ADGRD1: variants seen among roughly 807,000 people sequenced by gnomAD.
ADGRD1 encodes adhesion G protein-coupled receptor D1.
Under a neutral mutation model 113.4 loss-of-function variants are expected in ADGRD1, and 77 were observed. That is an observed-to-expected ratio of 0.68 (90% CI 0.57 to 0.82). ADGRD1 has a LOEUF of 0.82. Ranked by LOEUF, ADGRD1 falls within the 40% of genes least tolerant of loss-of-function variation. The probability of loss-of-function intolerance (pLI) is 0.00; values close to 1 mark genes in which losing one functional copy is unlikely to be tolerated. For synonymous variants in ADGRD1, 474 were observed against 475.0 expected (o/e 1.00, Z 0.03); for missense variants, 1,036 against 1,139.1 (o/e 0.91, Z 1.30).
intron 15 of ADGRD1, among the ~76,000 whole-genome samples, chr12:131,095,855 G>C (rs1193372968): frequency 6.6e-6 from 1 of 152,196 alleles, no homozygotes; most frequent in Non-Finnish European, 1.5e-5. Flanking sequence ...GTTCTTTTTG[G>C]GACATACAGG....
rs142706980 is a variant in ADGRD1, at chr12:130,987,466, G to A, written c.745+117G>A. 3 of 1,112,904 alleles carry A rather than the reference G, an allele frequency of 2.7e-6. No individual in the cohort carries two copies. In the East Asian group the frequency reaches 7.5e-5, roughly 28 times the overall value. The allele number at this position is 1,112,904 out of a possible 1,614,324, so 68.9% of individuals were successfully genotyped here. ...GCTATCAGCACTGCAGGCGTGAGAT[G>A]TGTCCTAATGAACCTTATAAACACA... On this transcript the variant is annotated intron_variant, in intron 6 of 24. Coordinates refer to ENST00000261654, the MANE Select transcript of ADGRD1 (RefSeq NM_198827.5).
chr12:131,092,347 C>T (rs944243567), intron 15 of ADGRD1, among the ~76,000 whole-genome samples: 11 of 152,216 alleles, frequency 7.2e-5, no homozygotes, highest in Non-Finnish European at 1.3e-4. Flanking sequence ...GAAAATTCAG[C>T]TGCACCTACT....
chr12:131,020,361 G>A (rs145326741), intron 13 of ADGRD1, among the ~76,000 whole-genome samples: 3,387 of 150,866 alleles, frequency 0.022, 396 homozygotes, highest in Middle Eastern at 0.062. Flanking sequence ...AGGGCAGAGG[G>A]TGCTTCAGGG....
intron 20 of ADGRD1, among the ~76,000 whole-genome samples, chr12:131,126,508 A>G (rs143055812): frequency 1.5e-4 from 23 of 152,308 alleles, no homozygotes; most frequent in African/African-American, 4.8e-4. Flanking sequence ...GTGTGTATGT[A>G]CCTGTATAGC....
intron 13 of ADGRD1, among the ~76,000 whole-genome samples, chr12:131,029,882 T>G: frequency 7.5e-6 from 1 of 133,238 alleles, no homozygotes; most frequent in Non-Finnish European, 1.6e-5. Context: ...GGCTCTGGGA[T>G]TAGGTTGTGG....
chr12:131,123,592 C>A (rs1950660197), intron 20 of ADGRD1, among the ~76,000 whole-genome samples: 1 of 151,916 alleles, frequency 6.6e-6, no homozygotes, highest in East Asian at 2.0e-4. Flanking sequence ...GAGGCCAAGG[C>A]AGGCGGATCA....
chr12:130,991,858 T>C (rs982704532), intron 7 of ADGRD1, among the ~76,000 whole-genome samples: 1 of 152,086 alleles, frequency 6.6e-6, no homozygotes, highest in Non-Finnish European at 1.5e-5. Context: ...CAGTTGCTCA[T>C]GCCTGTAATC....
intron 9 of ADGRD1, among the ~76,000 whole-genome samples, 198 bp downstream of exon 9, chr12:131,000,640 C>T (rs1876246196): frequency 6.6e-6 from 1 of 150,752 alleles, no homozygotes; most frequent in Non-Finnish European, 1.5e-5. Context: ...ACTCAGGAGG[C>T]TGAGGCAGGA....
At chr12:131,051,171 G>A (rs983566161) in intron 13 of ADGRD1, among the ~76,000 whole-genome samples, 1 of 152,214 alleles carries the variant, frequency 6.6e-6, no homozygotes, top group Non-Finnish European at 1.5e-5. Flanking sequence ...CTGCCCAGCT[G>A]GGGGAGGAAG....
chr12:131,014,105 G>GT, intron 12 of ADGRD1, 94 bp from the exon 13 acceptor site: 1 of 1,254,094 alleles, frequency 8.0e-7, no homozygotes, highest in Non-Finnish European at 1.1e-6. Context: ...CGTCTCAATA[G>GT]TTTTGGGTGG....
At chr12:130,997,693 G>A (rs1433171278) in intron 8 of ADGRD1, among the ~76,000 whole-genome samples, 16 of 151,504 alleles carry the variant, frequency 1.1e-4, no homozygotes, top group African/African-American at 3.9e-4. Context: ...GATGGCGGCC[G>A]GGCAGAGACG....
chr12:131,081,129 A>G (rs1222373128), intron 14 of ADGRD1, among the ~76,000 whole-genome samples: 2 of 152,156 alleles, frequency 1.3e-5, no homozygotes, highest in African/African-American at 2.4e-5. Flanking sequence ...TGAGTGCTGT[A>G]TCTTTTCCCA....
chr12:131,081,691 CA>C (rs1300810292), intron 14 of ADGRD1, among the ~76,000 whole-genome samples: 1 of 152,170 alleles, frequency 6.6e-6, no homozygotes, highest in African/African-American at 2.4e-5. Context: ...TCTTCTAGAG[CA>C]ATTAAAATTA....
chr12:131,121,772 C>T (rs533311223), intron 20 of ADGRD1, among the ~76,000 whole-genome samples: 239 of 152,250 alleles, frequency 1.6e-3, no homozygotes, highest in South Asian at 8.5e-3. Context: ...TGCACCTGCA[C>T]TGGCATGAGG....
Position 131,084,717 on chromosome 12 carries a change from C to A in ADGRD1, c.1671+54C>A, listed in dbSNP as rs1352467252. On this transcript the variant is annotated intron_variant, in intron 15 of 24. Coordinates refer to ENST00000261654, the MANE Select transcript of ADGRD1 (RefSeq NM_198827.5). This position sits in a 1 kb window ranked among gnomAD's most constrained non-coding sequence, Gnocchi z 4.5. ...ACCTGGGGGACGTACCATGAGGCTGCAGGTGGGGGCGGGAGGATGCTTTGC... is the reference window on the plus strand; with the variant it reads ...ACCTGGGGGACGTACCATGAGGCTGAAGGTGGGGGCGGGAGGATGCTTTGC... 6.8e-5 allele frequency: 108 copies of A among 1,587,500 alleles called. No homozygotes were observed. The highest frequency in any genetic ancestry group is 8.8e-5 in the Non-Finnish European group (103 of 1,165,668).
intron 15 of ADGRD1, among the ~76,000 whole-genome samples, chr12:131,097,193 C>T (rs759467101): frequency 2.6e-5 from 4 of 152,224 alleles, no homozygotes; most frequent in Non-Finnish European, 5.9e-5. Flanking sequence ...TCCCAGATGG[C>T]CCCAGACTGA....
chr12:130,982,128 C>A, intron 5 of ADGRD1, 65 bp downstream of exon 5: 1 of 1,410,304 alleles, frequency 7.1e-7, no homozygotes, highest in Non-Finnish European at 9.8e-7. Flanking sequence ...TGAGAATGGA[C>A]GCTGAGAAGC....
At chr12:131,114,124 A>T (rs1232469664) in intron 18 of ADGRD1, among the ~76,000 whole-genome samples, 1 of 152,220 alleles carries the variant, frequency 6.6e-6, no homozygotes. Flanking sequence ...TGTCGCCGAT[A>T]GGATGGGGTT....
At chr12:130,987,630 G>A (rs12826606) in intron 6 of ADGRD1, 49,052 of 474,940 alleles carry the variant, frequency 0.1, 2,946 homozygotes, top group Middle Eastern at 0.16. Context: ...GCTTTGGAGA[G>A]CAAGTATTCC....
Sources: allele counts gnomAD v4.1 joint callset (sites outside exome capture counted in the v4.1 genomes callset), GRCh38; gene constraint gnomAD v4.1.1; non-coding constraint Gnocchi (gnomAD v3.1); transcripts MANE v1.5; gene names NCBI Gene and HGNC (gene_info 2026-07-23, HGNC 2026-07-21).